Variants in ANO2 observed in about 807,000 individuals in gnomAD.
The protein encoded by ANO2 is anoctamin-2.
Under a neutral mutation model 124.2 loss-of-function variants are expected in ANO2, and 101 were observed. The ratio of observed to expected loss-of-function variants is 0.81; its 90% CI spans 0.69 to 0.96. The LOEUF (loss-of-function observed/expected upper bound fraction) is 0.96. Among genes scored for constraint, ANO2 ranks in the 40% least tolerant of loss-of-function variants. ANO2 has a pLI of 0.00. For synonymous variants in ANO2, 486 were observed against 482.5 expected (o/e 1.01, Z -0.09); for missense variants, 1,293 against 1,274.5 (o/e 1.01, Z -0.22).
Position 5,763,309 on chromosome 12 carries a change from A to G in ANO2, c.1056-12339T>C, listed in dbSNP as rs1951791400. Among the ~76,000 whole-genome samples, 4 of 152,220 alleles carry G rather than the reference A, an allele frequency of 2.6e-5. No individual in the cohort carries two copies. In the South Asian group the frequency reaches 8.3e-4, roughly 32 times the overall value. On this transcript the variant is annotated intron_variant, in intron 10 of 24. Coordinates refer to ENST00000682330, the MANE Select transcript of ANO2 (RefSeq NM_001364791.2). Reference sequence around the variant, plus strand: ...GTGAGCATATTAACATGTGTTCCAGAAATTGTATGAAATTCCTAAAAATAT... The same window carrying G: ...GTGAGCATATTAACATGTGTTCCAGGAATTGTATGAAATTCCTAAAAATAT...
At chr12:5,579,666 C>T (rs1458176714) in intron 20 of ANO2, among the ~76,000 whole-genome samples, 4 of 152,204 alleles carry the variant, frequency 2.6e-5, no homozygotes, top group East Asian at 1.9e-4. Context: ...GTTGGCTCCA[C>T]TCTGTTCACT....
At chr12:5,855,338 G>C (rs773140923) in intron 3 of ANO2, among the ~76,000 whole-genome samples, 1 of 152,200 alleles carries the variant, frequency 6.6e-6, no homozygotes, top group Non-Finnish European at 1.5e-5. Flanking sequence ...GTGCTCACAT[G>C]TGCTTTTGAA....
chr12:5,606,768 G>T (rs1417045691), intron 19 of ANO2, among the ~76,000 whole-genome samples: 1 of 151,790 alleles, frequency 6.6e-6, no homozygotes, highest in African/African-American at 2.4e-5. Context: ...ACACATACAT[G>T]CACACACACA....
intron 14 of ANO2, among the ~76,000 whole-genome samples, chr12:5,715,045 C>T (rs535572245): frequency 1.3e-5 from 2 of 152,046 alleles, no homozygotes; most frequent in East Asian, 3.9e-4. Context: ...GTATTAAGTG[C>T]TCTTCTGTGG....
chr12:5,901,451 G>T (rs540868544), intron 3 of ANO2, among the ~76,000 whole-genome samples: 36 of 152,308 alleles, frequency 2.4e-4, no homozygotes, highest in African/African-American at 8.7e-4. Context: ...ATGGCAGCAA[G>T]AAAGGTTCGG....
At chr12:5,796,467 C>T (rs1565675649) in intron 10 of ANO2, among the ~76,000 whole-genome samples, 1 of 129,866 alleles carries the variant, frequency 7.7e-6, no homozygotes. Flanking sequence ...CACTCTTGCA[C>T]ATACACACAC....
chr12:5,565,404 C>T (rs79941600), intron 24 of ANO2, among the ~76,000 whole-genome samples, 154 bp downstream of exon 24: 8,441 of 152,224 alleles, frequency 0.055, 342 homozygotes, highest in Middle Eastern at 0.14. Context: ...TGCTTCAACC[C>T]GGAAAGGAGC....
intron 1 of ANO2, among the ~76,000 whole-genome samples, chr12:5,936,274 A>C (rs1405215823): frequency 6.6e-6 from 1 of 152,100 alleles, no homozygotes; most frequent in Non-Finnish European, 1.5e-5. Flanking sequence ...TATGAAGTCC[A>C]TTTTGTCTAT....
At chr12:5,619,275 T>C (rs891414286) in intron 16 of ANO2, among the ~76,000 whole-genome samples, 4 of 152,230 alleles carry the variant, frequency 2.6e-5, no homozygotes, top group African/African-American at 9.6e-5. Flanking sequence ...AACCGCATAA[T>C]GCATTGTTTA....
chr12:5,665,396 G>A (rs1808301), intron 14 of ANO2, among the ~76,000 whole-genome samples: 72 of 151,746 alleles, frequency 4.7e-4, no homozygotes, highest in African/African-American at 1.7e-3. Context: ...ATGGCTTTGC[G>A]TCTGTGCTTC....
At chr12:5,734,707 G>C (rs1416850800) in intron 13 of ANO2, among the ~76,000 whole-genome samples, 1 of 151,762 alleles carries the variant, frequency 6.6e-6, no homozygotes, top group Non-Finnish European at 1.5e-5. Context: ...GAGTGCTGTG[G>C]CATGATCTCG....
chr12:5,880,935 G>A (rs1242436218), intron 3 of ANO2, among the ~76,000 whole-genome samples: 2 of 107,738 alleles, frequency 1.9e-5, no homozygotes, highest in Non-Finnish European at 4.1e-5. Flanking sequence ...GGATTGAGGG[G>A]TGGAATGGGT....
intron 14 of ANO2, among the ~76,000 whole-genome samples, chr12:5,695,936 G>T (rs1299642257): frequency 6.6e-6 from 1 of 152,102 alleles, no homozygotes; most frequent in East Asian, 1.9e-4. Flanking sequence ...TGACTATTTT[G>T]CTCACTGATG....
chr12:5,739,098 C>A (rs1433703852), intron 13 of ANO2: 1 of 669,902 alleles, frequency 1.5e-6, no homozygotes, highest in Non-Finnish European at 2.7e-6. Flanking sequence ...AGGCTCAATG[C>A]CCTCCAGCTC....
chr12:5,693,666 C>A (rs1949039035), intron 14 of ANO2, among the ~76,000 whole-genome samples: 1 of 152,180 alleles, frequency 6.6e-6, no homozygotes, highest in Non-Finnish European at 1.5e-5. Flanking sequence ...AATACCCTGG[C>A]CCAGACCCTC....
At chr12:5,714,239 G>T (rs183292653) in intron 14 of ANO2, among the ~76,000 whole-genome samples, 1 of 152,312 alleles carries the variant, frequency 6.6e-6, no homozygotes, top group Admixed American at 6.5e-5. Flanking sequence ...CTCAATCTCT[G>T]CTTATGTGTC....
intron 7 of ANO2, among the ~76,000 whole-genome samples, chr12:5,819,780 A>C (rs1398791203): frequency 6.6e-6 from 1 of 152,220 alleles, no homozygotes; most frequent in Non-Finnish European, 1.5e-5. Flanking sequence ...TAACAGTGGG[A>C]ACCACAGTCA....
At chr12:5,735,838 G>A (rs550719413) in intron 13 of ANO2, among the ~76,000 whole-genome samples, 1 of 152,160 alleles carries the variant, frequency 6.6e-6, no homozygotes, top group Non-Finnish European at 1.5e-5. Context: ...AGAAAGGTAG[G>A]CAGAGGATTT....
chr12:5,747,413 T>C (rs1439377259), intron 11 of ANO2, among the ~76,000 whole-genome samples: 2 of 152,212 alleles, frequency 1.3e-5, no homozygotes, highest in Admixed American at 6.5e-5. Flanking sequence ...TGAGTTTCCA[T>C]CAGACCCACA....
Sources: gnomAD v4.1 joint callset for allele counts (sites outside exome capture counted in the v4.1 genomes callset) on GRCh38, gnomAD v4.1.1 for gene constraint, MANE v1.5 for transcripts, NCBI Gene and HGNC (gene_info 2026-07-23, HGNC 2026-07-21) for gene names.